EPM2A: variants seen among roughly 807,000 people sequenced by gnomAD.
The protein encoded by EPM2A is EPM2A glucan phosphatase, laforin.
In EPM2A, 21 loss-of-function variants were observed where a neutral mutation model predicts 26.5. The observed-to-expected ratio is 0.79, with a 90% confidence interval of 0.56 to 1.14. The LOEUF (loss-of-function observed/expected upper bound fraction) is 1.14, where lower values mean the gene tolerates loss of function less well. Among genes scored for constraint, EPM2A ranks in the 50% most tolerant of loss-of-function variants. EPM2A has a pLI of 0.00. For synonymous variants in EPM2A, 217 were observed against 177.6 expected, an observed-to-expected ratio of 1.22 and a Z score of -1.76; for missense variants, 458 against 440.8, an observed-to-expected ratio of 1.04 and a Z score of -0.35.
intron 1 of EPM2A, among the ~76,000 whole-genome samples, chr6:145,710,737 G>A (rs1469147214): frequency 3.3e-5 from 5 of 152,102 alleles, no homozygotes; most frequent in African/African-American, 7.2e-5. Flanking sequence ...TCCAACAATG[G>A]TAGACTGGAT....
chr6:145,424,946 T>TAA (rs1778833305), intron 4 of EPM2A, among the ~76,000 whole-genome samples: 1 of 150,686 alleles, frequency 6.6e-6, no homozygotes, highest in African/African-American at 2.4e-5. Context: ...CCCAATGGAC[T>TAA]AAGACTATAT....
At chr6:145,608,483 G>A (rs1775316767) in intron 2 of EPM2A, among the ~76,000 whole-genome samples, 1 of 151,980 alleles carries the variant, frequency 6.6e-6, no homozygotes, top group Non-Finnish European at 1.5e-5. Flanking sequence ...AAATTTCTTT[G>A]TAATCCCTTT....
At chr6:145,569,526 T>A (rs1481705605) in intron 2 of EPM2A, among the ~76,000 whole-genome samples, 1 of 152,220 alleles carries the variant, frequency 6.6e-6, no homozygotes, top group Non-Finnish European at 1.5e-5. Context: ...AATCTTGTAA[T>A]CTCCTCTAGT....
chr6:145,399,017 G>A (rs1778446209), intron 4 of EPM2A, among the ~76,000 whole-genome samples: 1 of 151,960 alleles, frequency 6.6e-6, no homozygotes, highest in Admixed American at 6.6e-5. Context: ...ATTAATGTTA[G>A]AAAATCACTG....
At chr6:145,718,513 A>T (rs1296359205) in intron 1 of EPM2A, among the ~76,000 whole-genome samples, 1 of 152,086 alleles carries the variant, frequency 6.6e-6, no homozygotes, top group Non-Finnish European at 1.5e-5. Context: ...AACCATAAAA[A>T]CCCTAGAAGA....
intron 2 of EPM2A, among the ~76,000 whole-genome samples, chr6:145,646,218 G>A (rs367729134): frequency 1.3e-4 from 19 of 151,928 alleles, no homozygotes; most frequent in African/African-American, 3.4e-4. Flanking sequence ...GTGCAGTGGC[G>A]CGATCTTGGC....
At chr6:145,468,977 A>G (rs1463851852) in intron 4 of EPM2A, among the ~76,000 whole-genome samples, 3 of 152,158 alleles carry the variant, frequency 2.0e-5, no homozygotes, top group African/African-American at 7.2e-5. Context: ...AAATGGGCAA[A>G]AGATCTTAAT....
intron 1 of EPM2A, among the ~76,000 whole-genome samples, chr6:145,704,532 T>C (rs1416533571): frequency 6.6e-6 from 1 of 152,230 alleles, no homozygotes; most frequent in African/African-American, 2.4e-5. Context: ...ATAGCGGAAG[T>C]GTTAGTACAT....
chr6:145,679,329 A>T (rs1780321571), intron 2 of EPM2A, among the ~76,000 whole-genome samples: 1 of 152,148 alleles, frequency 6.6e-6, no homozygotes, highest in African/African-American at 2.4e-5. Flanking sequence ...TGATGGGTGC[A>T]GCAAACCAAC....
intron 2 of EPM2A, among the ~76,000 whole-genome samples, chr6:145,611,269 A>G (rs976873259): frequency 6.6e-6 from 1 of 152,152 alleles, no homozygotes; most frequent in African/African-American, 2.4e-5. Flanking sequence ...TTTGTTTTAT[A>G]TCACTTATTA....
At chr6:145,537,103 G>T (rs1463210717) in intron 2 of EPM2A, among the ~76,000 whole-genome samples, 1 of 152,132 alleles carries the variant, frequency 6.6e-6, no homozygotes, top group Non-Finnish European at 1.5e-5. Context: ...GCCATTTGGG[G>T]CCAACTGTTA....
At chr6:145,433,371 T>C (rs1217745757) in intron 4 of EPM2A, among the ~76,000 whole-genome samples, 1 of 152,198 alleles carries the variant, frequency 6.6e-6, no homozygotes, top group African/African-American at 2.4e-5. Context: ...ATTGTGATGT[T>C]TGGGGATTTA....
At chr6:145,570,179 C>A (rs1780936282) in intron 2 of EPM2A, among the ~76,000 whole-genome samples, 1 of 152,112 alleles carries the variant, frequency 6.6e-6, no homozygotes, top group South Asian at 2.1e-4. Flanking sequence ...TTAGGGACAC[C>A]CTCACAGACA....
chr6:145,605,122 T>A (rs1418428915), intron 2 of EPM2A, among the ~76,000 whole-genome samples: 1 of 152,170 alleles, frequency 6.6e-6, no homozygotes, highest in Non-Finnish European at 1.5e-5. Flanking sequence ...TTTGGCCTAC[T>A]TATTTAAGAA....
chr6:145,537,044 G>C (rs1780441822), intron 2 of EPM2A, among the ~76,000 whole-genome samples: 1 of 152,156 alleles, frequency 6.6e-6, no homozygotes, highest in South Asian at 2.1e-4. Flanking sequence ...TCCTAAGTTA[G>C]ATATGAGAAC....
intron 4 of EPM2A, among the ~76,000 whole-genome samples, chr6:145,415,223 G>A (rs1157016638): frequency 6.6e-6 from 1 of 152,212 alleles, no homozygotes; most frequent in East Asian, 1.9e-4. Context: ...AAGAAATGGA[G>A]AACATTCAAT....
At chr6:145,513,385 T>C (rs1780082476) in intron 2 of EPM2A, among the ~76,000 whole-genome samples, 2 of 152,126 alleles carry the variant, frequency 1.3e-5, no homozygotes, top group South Asian at 2.1e-4. Flanking sequence ...ATGGCTATTA[T>C]TAAAAAGCCA....
intron 4 of EPM2A, among the ~76,000 whole-genome samples, chr6:145,492,542 C>T (rs1001475847): frequency 2.0e-5 from 3 of 152,312 alleles, no homozygotes; most frequent in East Asian, 1.9e-4. Context: ...CTGTGGCACC[C>T]GAGCTCTTGT....
chr6:145,731,621 G>A (rs1486603165), intron 1 of EPM2A, among the ~76,000 whole-genome samples: 18 of 152,130 alleles, frequency 1.2e-4, no homozygotes, highest in Admixed American at 7.2e-4. Flanking sequence ...ACCAAGGCCT[G>A]TTGGTGGGTG....
Sources: allele counts gnomAD v4.1 joint callset (sites outside exome capture counted in the v4.1 genomes callset), GRCh38; gene constraint gnomAD v4.1.1; transcripts MANE v1.5; gene names NCBI Gene and HGNC (gene_info 2026-07-23, HGNC 2026-07-21).